Variants in LIG3 observed in about 807,000 individuals in gnomAD.
The protein encoded by LIG3 is ligase II, DNA, ATP-dependent.
Under a neutral mutation model 110.9 loss-of-function variants are expected in LIG3, and 58 were observed. The observed-to-expected ratio is 0.52, with a 90% CI of 0.42 to 0.65. The LOEUF is 0.65. LIG3 is among the 30% of genes least tolerant of loss of function. The probability of loss-of-function intolerance (pLI) is 0.00; values close to 1 mark genes in which losing one functional copy is unlikely to be tolerated. For synonymous variants in LIG3, 422 were observed against 472.8 expected (o/e 0.89, Z 1.39); for missense variants, 1,094 against 1,273.8 (o/e 0.86, Z 2.15).
Position 34,992,540 on chromosome 17 carries a change from C to G in LIG3, c.1303C>G (p.Pro435Ala). Residue 435 changes from proline (P) to alanine (A), a missense_variant, in exon 8 of 20, where the codon CCC (proline) becomes GCC (alanine). By Grantham distance (27) the Pro-to-Ala change is conservative. Coordinates refer to ENST00000378526, the MANE Select transcript of LIG3 (RefSeq NM_013975.4). ...CCTTGGCAGGTTAGACGCCCTTGAC[C>G]CCAATGCCTATGAAGCCTTCAAAGC... ...GAKHVLDALD[P>A]NAYEAFKASR... The G allele has an allele frequency of 6.2e-7, 1 of 1,603,894 alleles. No homozygotes were observed. Among genetic ancestry groups the G allele is most frequent in the Non-Finnish European group, 8.5e-7 (1 of 1,175,606 alleles).
At chr17:34,992,462 C>G (rs1185298073) in intron 7 of LIG3, 62 bp from the exon 8 acceptor site, 20 of 1,493,472 alleles carry the variant, frequency 1.3e-5, no homozygotes, top group Non-Finnish European at 1.7e-5. Flanking sequence ...GATTGCTGTC[C>G]AAAGCCATGG....
At chr17:34,990,236 G>A (rs912653208) in intron 4 of LIG3, among the ~76,000 whole-genome samples, 7 of 152,188 alleles carry the variant, frequency 4.6e-5, no homozygotes, top group Non-Finnish European at 8.8e-5. Context: ...AGCATGGGCA[G>A]CGATATATAG....
At position 35,002,209 on chromosome 17, in the gene LIG3, A is replaced by T. The variant is rs74588344; in HGVS notation, c.2674+105A>T. 1,806 of 1,000,352 alleles carry T rather than the reference A, an allele frequency of 1.8e-3. 40 individuals are homozygous for T. The East Asian group carries it at 0.039, about 22-fold the overall frequency. 62.0% of individuals were successfully genotyped at this position (1,000,352 alleles called of 1,614,324 possible). On this transcript the variant is annotated intron_variant, in intron 18 of 19. Transcript: ENST00000378526. ...ATTCCAGCCCTGAGATCTCATGATT[A>T]TCTGTGTCCACTGCAGTGGACACAG... is the stretch of plus-strand genomic sequence containing the variant.
At position 34,999,091 on chromosome 17, in the gene LIG3, A is replaced by G; in HGVS notation, c.2114-216A>G. ...TGTGTCCAACACAGTTCAATGCCCC[A>G]GAGCCCAACAGGTTGGGTGTGATTA... On this transcript the variant is annotated intron_variant, in intron 14 of 19. Coordinates refer to ENST00000378526, the MANE Select transcript of LIG3 (RefSeq NM_013975.4). The G allele has an allele frequency of 8.9e-6, 5 of 563,410 alleles. No homozygotes were observed. In the Admixed American group the frequency reaches 1.3e-4, roughly 14 times the overall value. 34.9% of individuals were successfully genotyped at this position (563,410 alleles called of 1,614,324 possible).
At position 35,008,833 on chromosome 17, in the gene LIG3, G is replaced by T. The variant is rs1290219151; in HGVS notation, c.*4327G>T. ...TTTTTAGTAGAGACGGGGTTTCACC[G>T]TGTTAGCCAGGGTGGTCTCGATCTC... is the stretch of plus-strand genomic sequence containing the variant. On this transcript the variant is annotated 3_prime_UTR_variant, in exon 20 of 20. Transcript: ENST00000378526. 1.3e-5 allele frequency: 2 copies of T among 152,080 alleles called. No individual in the cohort carries two copies. The highest frequency in any genetic ancestry group is 2.9e-5 in the Non-Finnish European group (2 of 68,060). 9.4% of individuals were successfully genotyped at this position (152,080 alleles called of 1,614,324 possible). A position where few individuals can be genotyped will look rare whatever the true frequency, so the allele number is the denominator to read the frequency against.
rs992493260 is a variant in LIG3, at chr17:35,008,592, G to C, written c.*4086G>C. 1 of 151,908 alleles carries C rather than the reference G, an allele frequency of 6.6e-6. No individual in the cohort carries two copies. The highest frequency in any genetic ancestry group is 2.4e-5 in the African/African-American group (1 of 41,316). The allele number at this position is 151,908 out of a possible 1,614,324, so 9.4% of individuals were successfully genotyped here. A position where few individuals can be genotyped will look rare whatever the true frequency, so the allele number is the denominator to read the frequency against. ...ACTACCCACATGCACCACCATGCAC[G>C]GCTAATTTTTTGGTTTTTTTGGGTT... On this transcript the variant is annotated 3_prime_UTR_variant, in exon 20 of 20. Transcript: ENST00000378526.
At chr17:35,001,838 C>A in intron 17 of LIG3, 71 bp from the exon 18 acceptor site, 1 of 1,406,102 alleles carries the variant, frequency 7.1e-7, no homozygotes, top group Non-Finnish European at 9.8e-7. Flanking sequence ...TAAAATACAC[C>A]ACACACACCA....
intron 9 of LIG3, 106 bp from the exon 10 acceptor site, chr17:34,995,958 C>A: frequency 7.2e-7 from 1 of 1,397,588 alleles, no homozygotes; most frequent in Non-Finnish European, 9.8e-7. Context: ...GGGCCTTCCA[C>A]ATGTTGTTCT....
Position 34,996,153 on chromosome 17 carries a change from G to T in LIG3, c.1701G>T (p.Lys567Asn). Residue 567 changes from lysine (K) to asparagine (N), a missense_variant, in exon 10 of 20, where the codon AAG becomes AAT. By Grantham distance (94) the Lys-to-Asn change is moderately conservative. Coordinates refer to ENST00000378526, the MANE Select transcript of LIG3 (RefSeq NM_013975.4). ...CTGAAGTGCTTCTGATTGACAACAA[G>T]ACAGGCAAACCACTGCCCTTTGGGA... ...LDSEVLLIDN[K>N]TGKPLPFGTL... is the part of the protein sequence containing the mutation. 6.2e-7 allele frequency: 1 copy of T among 1,614,174 alleles called. No individual in the cohort carries two copies.
At chr17:35,002,646 C>A in intron 18 of LIG3, 22 bp from the exon 19 acceptor site, 2 of 1,608,376 alleles carry the variant, frequency 1.2e-6, no homozygotes, top group East Asian at 2.2e-5. Flanking sequence ...CCACCACACC[C>A]AGCTTCCTCT....
intron 8 of LIG3, 112 bp from the exon 9 acceptor site, chr17:34,994,164 A>C: frequency 1.1e-6 from 1 of 935,774 alleles, no homozygotes; most frequent in Non-Finnish European, 1.6e-6. Flanking sequence ...GTGGGCAGTC[A>C]GTCCCAAGAC....
In LIG3 at chr17:34,996,135, G is replaced by A; in HGVS notation, c.1683G>A (p.Val561=). The A allele has an allele frequency of 6.2e-7, 1 of 1,614,174 alleles. No homozygotes were observed. The highest frequency in any genetic ancestry group is 1.1e-5 in the South Asian group (1 of 91,084). The change falls in exon 10 of 20, where the codon GTG becomes GTA. Residue 561 remains valine, a synonymous_variant. Transcript: ENST00000378526. ...ACAGCATGATCTTGGATTCTGAAGT[G>A]CTTCTGATTGACAACAAGACAGGCA... ...GGHSMILDSE[V]LLIDNKTGKP...
intron 3 of LIG3, among the ~76,000 whole-genome samples, chr17:34,988,729 T>A (rs890386032): frequency 2.0e-5 from 3 of 152,036 alleles, no homozygotes; most frequent in African/African-American, 7.3e-5. Flanking sequence ...CAGCGAGGGG[T>A]AGGGATGTTG....
rs748229437 is a variant in LIG3, at chr17:35,008,436, ATT to A, written c.*3944_*3945del. ...TTAGCTTGTGGTTTATCAGTTGTCA[ATT>A]TTTTTTTTTTTTTAATACAGGGTCT... On this transcript the variant is annotated 3_prime_UTR_variant, in exon 20 of 20. Transcript: ENST00000378526. The A allele has an allele frequency of 2.3e-4, 33 of 143,822 alleles. No individual in the cohort carries two copies. In the South Asian group the frequency reaches 3.4e-3, roughly 15 times the overall value. The allele number at this position is 143,822 out of a possible 1,614,324, so 8.9% of individuals were successfully genotyped here.
rs2090903027 is a variant in LIG3, at chr17:35,007,415, A to G, written c.*2909A>G. On this transcript the variant is annotated 3_prime_UTR_variant, in exon 20 of 20. Transcript: ENST00000378526. ...GCAGCCCTCAACATCATCATCATAA[A>G]TCTCTCCAGCAGAATGCTGGAGGCC... The G allele has an allele frequency of 6.6e-6, 1 of 152,148 alleles. No homozygotes were observed. Among genetic ancestry groups the G allele is most frequent in the Admixed American group, 6.5e-5 (1 of 15,272 alleles). The allele number at this position is 152,148 out of a possible 1,614,324, so 9.4% of individuals were successfully genotyped here.
chr17:34,994,567 C>A, intron 9 of LIG3, 136 bp downstream of exon 9: 3 of 918,440 alleles, frequency 3.3e-6, no homozygotes, highest in East Asian at 2.8e-5. Context: ...TGAATTAATT[C>A]ATTTATTCAT....
intron 13 of LIG3, 86 bp from the exon 14 acceptor site, chr17:34,998,518 A>C: frequency 1.2e-5 from 19 of 1,520,996 alleles, no homozygotes; most frequent in Non-Finnish European, 1.5e-5. Context: ...GCACTGGGCT[A>C]GATCTGGTGT....
chr17:35,001,557 C>A (rs1432911140), intron 17 of LIG3, among the ~76,000 whole-genome samples, 154 bp downstream of exon 17: 1 of 152,180 alleles, frequency 6.6e-6, no homozygotes, highest in South Asian at 2.1e-4. Flanking sequence ...AGACAAACTG[C>A]TGCTGGGCCA....
At position 34,987,254 on chromosome 17, in the gene LIG3, G is replaced by A. The variant is rs1006003924; in HGVS notation, c.691+1123G>A. ...GATCAGGATCATTTATTGGCCTTAC[G>A]TAAACAGACAGCATTGGACTAGGGG... On this transcript the variant is annotated intron_variant, in intron 3 of 19. Transcript: ENST00000378526. 6.6e-5 allele frequency among the ~76,000 whole-genome samples: 10 copies of A among 152,326 alleles called. No homozygotes were observed. In the East Asian group the frequency reaches 1.3e-3, roughly 21 times the overall value.
Sources: allele counts gnomAD v4.1 joint callset (sites outside exome capture counted in the v4.1 genomes callset), GRCh38; gene constraint gnomAD v4.1.1; transcripts MANE v1.5; gene names NCBI Gene and HGNC (gene_info 2026-07-23, HGNC 2026-07-21).